The following SSX2IP variants were observed in gnomAD, a reference collection of about 807,000 sequenced individuals.
The protein encoded by SSX2IP is afadin- and alpha-actinin-binding protein.
SSX2IP carries 55 observed loss-of-function variants against 84.9 expected under a neutral mutation model. That is an observed-to-expected ratio of 0.65 (90% CI 0.52 to 0.81). SSX2IP has a LOEUF of 0.81. Among genes scored for constraint, SSX2IP ranks in the 30% least tolerant of loss-of-function variants. The pLI is 0.00. For missense variants in SSX2IP, 664 were observed against 705.2 expected (o/e 0.94, Z 0.66); for synonymous variants, 239 against 234.7 (o/e 1.02, Z -0.17).
intron 11 of SSX2IP, among the ~76,000 whole-genome samples, chr1:84,653,522 C>G (rs139794098): frequency 1.3e-5 from 2 of 152,186 alleles, no homozygotes; most frequent in Non-Finnish European, 2.9e-5. Flanking sequence ...GGGAAAGGCA[C>G]CTGGCAACTG....
In SSX2IP at chr1:84,662,395, T is replaced by C. The variant is rs774947366; in HGVS notation, c.750-20A>G. 1 of 1,607,786 alleles carries C rather than the reference T, an allele frequency of 6.2e-7. No individual in the cohort carries two copies. Among genetic ancestry groups the C allele is most frequent in the Admixed American group, 1.7e-5 (1 of 58,852 alleles). On this transcript the variant is annotated intron_variant, in intron 7 of 13. Coordinates refer to ENST00000342203, the MANE Select transcript of SSX2IP (RefSeq NM_001166293.2). ...TCATTCCTGAGAAAGAAACTGTCAGTATGAAAATGCAGGATAGAAGGAAGT... is the reference window on the plus strand; with the variant it reads ...TCATTCCTGAGAAAGAAACTGTCAGCATGAAAATGCAGGATAGAAGGAAGT...
At chr1:84,647,748 CT>C in intron 13 of SSX2IP, 141 bp from the exon 14 acceptor site, 45 of 383,262 alleles carry the variant, frequency 1.2e-4, no homozygotes, top group Non-Finnish European at 1.6e-4. Context: ...TAAAATTTTA[CT>C]TGGAAAAAAA....
chr1:84,685,620 A>G (rs1022138147), intron 1 of SSX2IP, among the ~76,000 whole-genome samples: 1 of 152,244 alleles, frequency 6.6e-6, no homozygotes, highest in Non-Finnish European at 1.5e-5. Flanking sequence ...GGAAAGACTA[A>G]AAACTAGCTA....
At chr1:84,672,427 C>G (rs1653711156) in intron 1 of SSX2IP, among the ~76,000 whole-genome samples, 1 of 151,402 alleles carries the variant, frequency 6.6e-6, no homozygotes, top group Non-Finnish European at 1.5e-5. Context: ...AAAAAAAACT[C>G]TATGTATTAA....
At chr1:84,658,721 G>A (rs1232369845) in intron 8 of SSX2IP, among the ~76,000 whole-genome samples, 1 of 152,200 alleles carries the variant, frequency 6.6e-6, no homozygotes, top group Non-Finnish European at 1.5e-5. Context: ...GTCTGAGAAG[G>A]AGATATCACT....
At position 84,645,841 on chromosome 1, in the gene SSX2IP, G is replaced by C. The variant is rs1365814066; in HGVS notation, c.*1592C>G. 1 of 152,134 alleles carries C rather than the reference G, an allele frequency of 6.6e-6. No individual in the cohort carries two copies. Among genetic ancestry groups the C allele is most frequent in the Non-Finnish European group, 1.5e-5 (1 of 68,016 alleles). The allele number at this position is 152,134 out of a possible 1,614,324, so 9.4% of individuals were successfully genotyped here. The stretch of plus-strand genomic sequence containing the variant: ...TAGTAAAGAAGTGACCATGCATCAA[G>C]CTGAAGGTAGTGACTAATGCTCAAG... On this transcript the variant is annotated 3_prime_UTR_variant, in exon 14 of 14. Transcript: ENST00000342203.
chr1:84,655,407 C>T (rs182329451), intron 11 of SSX2IP: 29 of 1,281,130 alleles, frequency 2.3e-5, no homozygotes, highest in Middle Eastern at 2.2e-4. Flanking sequence ...AGCTGTAGAG[C>T]GTATATATAA....
chr1:84,671,697 G>T (rs546850168), intron 1 of SSX2IP, among the ~76,000 whole-genome samples: 1 of 152,078 alleles, frequency 6.6e-6, no homozygotes, highest in South Asian at 2.1e-4. Flanking sequence ...ATTTTTGTTT[G>T]TTTTTACCAA....
intron 13 of SSX2IP, chr1:84,649,775 G>A (rs1649954622): frequency 5.5e-6 from 2 of 360,702 alleles, no homozygotes; most frequent in South Asian, 4.4e-5. Flanking sequence ...GCAGAGTATT[G>A]ATCTTATCTT....
chr1:84,667,860 C>T (rs1431341214), intron 4 of SSX2IP, among the ~76,000 whole-genome samples: 2 of 152,106 alleles, frequency 1.3e-5, no homozygotes, highest in Non-Finnish European at 2.9e-5. Flanking sequence ...GCGTCCTACC[C>T]CAAGAACAAT....
Position 84,656,465 on chromosome 1 carries a change from T to C in SSX2IP, c.1098A>G (p.Glu366=). 1 of 1,612,492 alleles carries C rather than the reference T, an allele frequency of 6.2e-7. No individual in the cohort carries two copies. Residue 366 remains glutamate (E), a synonymous_variant, in exon 10 of 14, where the codon GAA becomes GAG. Transcript: ENST00000342203. ...AGATTACATCTTCATCATTAAAACC[T>C]TCCAGGTGTACCTTTGAAACTAAGA... is the stretch of plus-strand genomic sequence containing the variant. ...LDNQVSKVHL[E]GFNDEDVISR... is the part of the protein sequence containing the mutation.
intron 4 of SSX2IP, among the ~76,000 whole-genome samples, chr1:84,666,636 G>C (rs980732649): frequency 3.3e-5 from 5 of 152,164 alleles, no homozygotes; most frequent in South Asian, 4.1e-4. Context: ...CTTTGAAAAA[G>C]AAGCAAAAGT....
chr1:84,667,941 T>C (rs982658739), intron 4 of SSX2IP, among the ~76,000 whole-genome samples: 10 of 152,178 alleles, frequency 6.6e-5, no homozygotes, highest in African/African-American at 2.4e-4. Context: ...GACCTAGGAC[T>C]GGGGTTTCAC....
In SSX2IP at chr1:84,652,004, T is replaced by TA; in HGVS notation, c.1390-8dup. 1 of 1,594,694 alleles carries TA rather than the reference T, an allele frequency of 6.3e-7. No homozygotes were observed. Among genetic ancestry groups the TA allele is most frequent in the Non-Finnish European group, 8.6e-7 (1 of 1,162,606 alleles). ...CTTCTTCAAATGCCTTTCTCTACCATAAACAGCCAAAGAAATAATGATCAA... is the reference window on the plus strand; with the variant it reads ...CTTCTTCAAATGCCTTTCTCTACCATAAAACAGCCAAAGAAATAATGATCAA... On this transcript the variant is annotated splice_polypyrimidine_tract_variant and splice_region_variant and intron_variant, in intron 11 of 13. Transcript: ENST00000342203.
chr1:84,664,152 T>C (rs2102353701), intron 6 of SSX2IP, among the ~76,000 whole-genome samples: 1 of 152,302 alleles, frequency 6.6e-6, no homozygotes, highest in East Asian at 1.9e-4. Context: ...AATTAGAATG[T>C]CCTCTGGCTT....
At position 84,646,500 on chromosome 1, in the gene SSX2IP, C is replaced by T. The variant is rs1490187560; in HGVS notation, c.*933G>A. On this transcript the variant is annotated 3_prime_UTR_variant, in exon 14 of 14. Coordinates refer to ENST00000342203, the MANE Select transcript of SSX2IP (RefSeq NM_001166293.2). ...TAGTTAGTATACAGATATTACTATA[C>T]TGGTACCCATCTTGTAAGGAAAATA... is the stretch of plus-strand genomic sequence containing the variant. 6.6e-6 allele frequency: 1 copy of T among 152,532 alleles called. No homozygotes were observed. The highest frequency in any genetic ancestry group is 1.5e-5 in the Non-Finnish European group (1 of 68,006). 9.4% of individuals were successfully genotyped at this position (152,532 alleles called of 1,614,324 possible).
chr1:84,678,709 C>G (rs1570712494), intron 1 of SSX2IP, among the ~76,000 whole-genome samples: 1 of 152,216 alleles, frequency 6.6e-6, no homozygotes, highest in Non-Finnish European at 1.5e-5. Flanking sequence ...GAATTACTCT[C>G]AATTCCCATT....
intron 3 of SSX2IP, 131 bp from the exon 4 acceptor site, chr1:84,670,024 TAA>T: frequency 1.6e-6 from 1 of 630,748 alleles, no homozygotes; most frequent in East Asian, 2.8e-5. Context: ...CCTCAGCTAA[TAA>T]CTACGTACTA....
intron 9 of SSX2IP, among the ~76,000 whole-genome samples, chr1:84,657,889 CTG>C (rs954992478): frequency 6.6e-6 from 1 of 152,120 alleles, no homozygotes; most frequent in Non-Finnish European, 1.5e-5. Flanking sequence ...TCCAGACACT[CTG>C]GGGAGGCCAA....
Sources: gnomAD v4.1 joint callset for allele counts (sites outside exome capture counted in the v4.1 genomes callset) on GRCh38, gnomAD v4.1.1 for gene constraint, MANE v1.5 for transcripts, NCBI Gene and HGNC (gene_info 2026-07-23, HGNC 2026-07-21) for gene names.